Variants in THSD7B observed in about 807,000 individuals in gnomAD.
THSD7B encodes the protein thrombospondin type 1 domain containing 7B, also known as thrombospondin type-1 domain-containing protein 7B.
THSD7B carries 138 observed loss-of-function variants against 213.6 expected under a neutral mutation model. That is an observed-to-expected ratio of 0.65 (90% CI 0.56 to 0.74). The LOEUF (loss-of-function observed/expected upper bound fraction) is 0.74. Ranked by LOEUF, THSD7B falls within the 30% of genes least tolerant of loss-of-function variation. The probability of loss-of-function intolerance (pLI) is 0.00; values close to 1 mark genes in which losing one functional copy is unlikely to be tolerated. For synonymous variants in THSD7B, 742 were observed against 687.0 expected, an observed-to-expected ratio of 1.08 and a Z score of -1.25; for missense variants, 1,931 against 1,991.5, an observed-to-expected ratio of 0.97 and a Z score of 0.58.
chr2:137,411,038 A>T (rs1187827922), intron 13 of THSD7B, among the ~76,000 whole-genome samples: 1 of 152,250 alleles, frequency 6.6e-6, no homozygotes, highest in Non-Finnish European at 1.5e-5. Flanking sequence ...TACTTAAGTT[A>T]GAAGAATCTC....
chr2:137,268,190 C>CTTTAAG (rs747571759), intron 10 of THSD7B, among the ~76,000 whole-genome samples: 12 of 152,004 alleles, frequency 7.9e-5, no homozygotes, highest in Non-Finnish European at 8.8e-5. Context: ...TTCTAGGGTA[C>CTTTAAG]ATGTGCACAA....
In THSD7B at chr2:137,563,370, G is replaced by A. The variant is rs1216772010; in HGVS notation, c.3272+16G>A. On this transcript the variant is annotated intron_variant, in intron 16 of 27. Coordinates refer to ENST00000409968, the MANE Select transcript of THSD7B (RefSeq NM_001316349.2). ...GGAAAATCAGGTGTGTGAAAATGGA[G>A]AGATTTGGGAAATAGGGGGAAGTGG... 3 of 1,611,554 alleles carry A rather than the reference G, an allele frequency of 1.9e-6. No homozygotes were observed. Among genetic ancestry groups the A allele is most frequent in the Admixed American group, 1.7e-5 (1 of 59,728 alleles).
At chr2:136,787,363 C>T (rs550362406) in intron 1 of THSD7B, among the ~76,000 whole-genome samples, 1 of 151,942 alleles carries the variant, frequency 6.6e-6, no homozygotes, top group Non-Finnish European at 1.5e-5. Flanking sequence ...TTTTTTAGCT[C>T]TCTAGGTGTA....
rs771131348 is a variant in THSD7B at position 137,620,612 on chromosome 2, A to G, written c.3685A>G (p.Asn1229Asp). The change falls in exon 20 of 28, where the codon AAT becomes GAT. Residue 1229 changes from asparagine to aspartate, a missense_variant. Transcript: ENST00000409968. ...PVSMDQCEQH[N>D]LEKPQRMSIP... The stretch of plus-strand genomic sequence containing the variant: ...TGTGTTTCATTTCCATTTGCAGCAT[A>G]ATTTGGAGAAGCCCCAGAGAATGAG... The G allele has an allele frequency of 8.1e-6, 13 of 1,611,892 alleles. No homozygotes were observed. The South Asian group carries it at 1.4e-4, about 18-fold the overall frequency.
chr2:136,995,865 C>T (rs1440516564), intron 2 of THSD7B, among the ~76,000 whole-genome samples: 1 of 152,010 alleles, frequency 6.6e-6, no homozygotes, highest in East Asian at 1.9e-4. Context: ...TAATGCTAGG[C>T]CTTATTTATA....
intron 4 of THSD7B, among the ~76,000 whole-genome samples, chr2:137,097,167 T>G (rs985026800): frequency 6.6e-6 from 1 of 151,234 alleles, no homozygotes; most frequent in African/African-American, 2.4e-5. Context: ...TTTCATGGGA[T>G]AGCTAATATT....
intron 12 of THSD7B, among the ~76,000 whole-genome samples, chr2:137,285,815 G>C (rs1683159144): frequency 6.6e-6 from 1 of 151,902 alleles, no homozygotes; most frequent in Non-Finnish European, 1.5e-5. Context: ...ATTAAGAATT[G>C]ATTTATGGCT....
chr2:136,776,879 A>G (rs899512685), intron 1 of THSD7B, among the ~76,000 whole-genome samples: 3 of 152,092 alleles, frequency 2.0e-5, no homozygotes, highest in Admixed American at 1.3e-4. Flanking sequence ...CACACATACA[A>G]CCAGAAAGAA....
At position 136,904,357 on chromosome 2, in the gene THSD7B, G is replaced by A. The variant is rs190147738; in HGVS notation, c.139+22040G>A. ...GCAGATGCAGAGAAGCAGAGGCAGTGGCTGAGCTCAATGGGTTAGGGTAAT... is the reference window on the plus strand; with the variant it reads ...GCAGATGCAGAGAAGCAGAGGCAGTAGCTGAGCTCAATGGGTTAGGGTAAT... On this transcript the variant is annotated intron_variant, in intron 2 of 27. Coordinates refer to ENST00000409968, the MANE Select transcript of THSD7B (RefSeq NM_001316349.2). Among the ~76,000 whole-genome samples the A allele has an allele frequency of 5.4e-3, 818 of 152,238 alleles. 5 individuals are homozygous for A. The highest frequency in any genetic ancestry group is 0.018 in the African/African-American group (756 of 41,552).
Position 137,152,433 on chromosome 2 carries a change from A to G in THSD7B, c.1370-7780A>G, listed in dbSNP as rs181404531. On this transcript the variant is annotated intron_variant, in intron 5 of 27. Coordinates refer to ENST00000409968, the MANE Select transcript of THSD7B (RefSeq NM_001316349.2). ...ATACAAAATCATTGTATAGTGTAGT[A>G]TTAAAGGATATGGAGATTTAAGAAG... Among the ~76,000 whole-genome samples, 3 of 152,334 alleles carry G rather than the reference A, an allele frequency of 2.0e-5. No individual in the cohort carries two copies. The East Asian group carries it at 5.8e-4, about 29-fold the overall frequency.
chr2:136,953,876 C>T (rs189953173), intron 2 of THSD7B, among the ~76,000 whole-genome samples: 1 of 152,252 alleles, frequency 6.6e-6, no homozygotes, highest in Admixed American at 6.5e-5. Flanking sequence ...AAATCACCCA[C>T]ATTTCTAGGG....
chr2:137,255,448 G>A (rs1482885751), intron 10 of THSD7B, among the ~76,000 whole-genome samples: 1 of 152,132 alleles, frequency 6.6e-6, no homozygotes, highest in African/African-American at 2.4e-5. Context: ...TGAGGGAGGT[G>A]TAGAGAGTCA....
At chr2:137,040,772 A>G (rs947546632) in intron 2 of THSD7B, among the ~76,000 whole-genome samples, 1 of 152,208 alleles carries the variant, frequency 6.6e-6, no homozygotes, top group African/African-American at 2.4e-5. Flanking sequence ...GCTAGAAAAA[A>G]GTAAAGAGGG....
chr2:136,817,786 A>G (rs1317113080), intron 1 of THSD7B, among the ~76,000 whole-genome samples: 2 of 150,442 alleles, frequency 1.3e-5, no homozygotes, highest in African/African-American at 4.9e-5. Flanking sequence ...GCCAAAAAAC[A>G]CATGAAAAAA....
At chr2:137,626,812 A>G (rs140128615) in intron 20 of THSD7B, among the ~76,000 whole-genome samples, 2 of 152,342 alleles carry the variant, frequency 1.3e-5, no homozygotes, top group Non-Finnish European at 2.9e-5. Flanking sequence ...CATGGCCACA[A>G]TGCAACCAAG....
At chr2:137,423,826 A>G (rs1290361456) in intron 14 of THSD7B, among the ~76,000 whole-genome samples, 1 of 152,106 alleles carries the variant, frequency 6.6e-6, no homozygotes, top group African/African-American at 2.4e-5. Context: ...TGAAATTCAT[A>G]TGGAAATGTG....
At chr2:137,433,610 T>A (rs1447956713) in intron 14 of THSD7B, among the ~76,000 whole-genome samples, 1 of 152,190 alleles carries the variant, frequency 6.6e-6, no homozygotes, top group East Asian at 1.9e-4. Flanking sequence ...CTCCTTGGCC[T>A]GTGAAAGTGC....
chr2:137,145,356 G>A (rs535944697), intron 5 of THSD7B, among the ~76,000 whole-genome samples: 11 of 152,168 alleles, frequency 7.2e-5, no homozygotes, highest in African/African-American at 1.7e-4. Context: ...GAAAGCAGGA[G>A]TGGTTGTAAT....
chr2:136,868,884 T>A (rs1457773078), intron 1 of THSD7B, among the ~76,000 whole-genome samples: 1 of 152,324 alleles, frequency 6.6e-6, no homozygotes, highest in Non-Finnish European at 1.5e-5. Context: ...GGTATCTATT[T>A]TATTTCTTAA....
Sources: allele counts gnomAD v4.1 joint callset (sites outside exome capture counted in the v4.1 genomes callset), GRCh38; gene constraint gnomAD v4.1.1; transcripts MANE v1.5; gene names NCBI Gene and HGNC (gene_info 2026-07-23, HGNC 2026-07-21).